Variants in DGKB observed in about 807,000 individuals in gnomAD.
DGKB encodes the protein diacylglycerol kinase beta, also known as 90 kDa diacylglycerol kinase.
DGKB carries 67 observed loss-of-function variants against 114.3 expected under a neutral mutation model. The ratio of observed to expected loss-of-function variants is 0.59; its 90% confidence interval spans 0.48 to 0.72. The LOEUF is 0.72. Ranked by LOEUF, DGKB falls within the 30% of genes least tolerant of loss-of-function variation. DGKB has a pLI of 0.00. For missense variants in DGKB, 907 were observed against 975.2 expected (o/e 0.93, Z 0.93); for synonymous variants, 398 against 323.1 (o/e 1.23, Z -2.49).
At chr7:14,946,944 T>C (rs1785915066) in intron 1 of DGKB, among the ~76,000 whole-genome samples, 1 of 151,698 alleles carries the variant, frequency 6.6e-6, no homozygotes, top group Non-Finnish European at 1.5e-5. Context: ...CAAAATGAAA[T>C]AGTTTATTTA....
chr7:14,300,129 G>C (rs1295835841), intron 23 of DGKB, among the ~76,000 whole-genome samples: 1 of 152,056 alleles, frequency 6.6e-6, no homozygotes, highest in Non-Finnish European at 1.5e-5. Context: ...CTCCCGTGTA[G>C]TTTCCAAAGT....
At chr7:14,781,290 A>C (rs776689098) in intron 2 of DGKB, among the ~76,000 whole-genome samples, 3 of 152,218 alleles carry the variant, frequency 2.0e-5, no homozygotes, top group Non-Finnish European at 4.4e-5. Context: ...TATTCTGCTT[A>C]TCTTTCAATT....
At chr7:14,637,384 A>G (rs750558773) in intron 13 of DGKB, among the ~76,000 whole-genome samples, 9 of 151,910 alleles carry the variant, frequency 5.9e-5, no homozygotes, top group Admixed American at 3.3e-4. Flanking sequence ...CCACTTTGTA[A>G]TGGAAATTCT....
chr7:14,946,020 CA>C (rs1441047063), intron 1 of DGKB, among the ~76,000 whole-genome samples: 1 of 151,416 alleles, frequency 6.6e-6, no homozygotes, highest in South Asian at 2.1e-4. Context: ...TCAGATGTCT[CA>C]AAATGAATAT....
chr7:14,804,386 T>G (rs57037859), intron 2 of DGKB, among the ~76,000 whole-genome samples: 1 of 151,752 alleles, frequency 6.6e-6, no homozygotes, highest in Admixed American at 6.6e-5. Context: ...GTCTAAGTAT[T>G]TATTTTCTAT....
At chr7:14,415,182 G>A (rs931132496) in intron 21 of DGKB, among the ~76,000 whole-genome samples, 2 of 151,606 alleles carry the variant, frequency 1.3e-5, no homozygotes, top group East Asian at 1.9e-4. Context: ...ACTATTTTCT[G>A]GTGAATATTA....
intron 23 of DGKB, among the ~76,000 whole-genome samples, chr7:14,281,346 C>G (rs1166713401): frequency 7.2e-6 from 1 of 138,272 alleles, no homozygotes; most frequent in Admixed American, 7.6e-5. Context: ...TACAGGAGCA[C>G]CCAGATTCAT....
At chr7:14,724,601 G>T (rs962015036) in intron 5 of DGKB, among the ~76,000 whole-genome samples, 1 of 152,180 alleles carries the variant, frequency 6.6e-6, no homozygotes, top group African/African-American at 2.4e-5. Context: ...GGTCTTTGGG[G>T]ATAACGTTTT....
At chr7:14,744,249 A>G (rs999371449) in intron 4 of DGKB, among the ~76,000 whole-genome samples, 3 of 152,216 alleles carry the variant, frequency 2.0e-5, no homozygotes, top group Admixed American at 6.5e-5. Context: ...TTATGGCAAT[A>G]TGGTTATTTG....
chr7:14,381,362 T>G (rs2128681793), intron 21 of DGKB, among the ~76,000 whole-genome samples: 1 of 152,324 alleles, frequency 6.6e-6, no homozygotes, highest in African/African-American at 2.4e-5. Flanking sequence ...AATAACGGAC[T>G]TATTGAAGGC....
At chr7:14,531,740 G>A (rs1352935867) in intron 20 of DGKB, among the ~76,000 whole-genome samples, 3 of 151,096 alleles carry the variant, frequency 2.0e-5, no homozygotes, top group African/African-American at 7.3e-5. Flanking sequence ...TTTTGAAAAG[G>A]AAGAAGAAAA....
intron 23 of DGKB, among the ~76,000 whole-genome samples, chr7:14,227,634 A>G (rs536852961): frequency 6.6e-6 from 1 of 152,156 alleles, no homozygotes; most frequent in African/African-American, 2.4e-5. Flanking sequence ...GGAGGCAGCA[A>G]TCTTGTTTAT....
At chr7:14,334,542 T>C (rs181938480) in intron 23 of DGKB, among the ~76,000 whole-genome samples, 1 of 152,050 alleles carries the variant, frequency 6.6e-6, no homozygotes. Context: ...ATGACAAATA[T>C]ATTTTTATTA....
chr7:14,608,669 A>T (rs1279095183), intron 16 of DGKB, among the ~76,000 whole-genome samples: 1 of 152,026 alleles, frequency 6.6e-6, no homozygotes, highest in Non-Finnish European at 1.5e-5. Context: ...ATGATTCTAT[A>T]CTCAGAAAAC....
chr7:14,448,542 T>C (rs144187526), intron 21 of DGKB, among the ~76,000 whole-genome samples: 28 of 152,230 alleles, frequency 1.8e-4, no homozygotes, highest in African/African-American at 6.5e-4. Flanking sequence ...TGCTGTGTTA[T>C]GCAACAGGGA....
At chr7:14,817,743 T>C (rs545176491) in intron 2 of DGKB, among the ~76,000 whole-genome samples, 2 of 152,292 alleles carry the variant, frequency 1.3e-5, no homozygotes, top group East Asian at 3.9e-4. Flanking sequence ...TTAGATTATA[T>C]TGTCAAAACC....
intron 17 of DGKB, among the ~76,000 whole-genome samples, chr7:14,604,266 CAATT>C (rs1428647851): frequency 4.6e-5 from 7 of 151,698 alleles, no homozygotes; most frequent in Non-Finnish European, 8.8e-5. Context: ...GTTTTAAAAA[CAATT>C]AAAGATAAAA....
intron 23 of DGKB, among the ~76,000 whole-genome samples, chr7:14,267,498 A>AT (rs1468771404): frequency 7.3e-5 from 10 of 136,498 alleles, no homozygotes; most frequent in Non-Finnish European, 1.6e-4. Context: ...TTTATTATTT[A>AT]TTTTTTTTGA....
intron 21 of DGKB, among the ~76,000 whole-genome samples, chr7:14,460,979 A>G (rs1408543187): frequency 2.7e-5 from 4 of 150,682 alleles, no homozygotes; most frequent in Non-Finnish European, 4.4e-5. Flanking sequence ...GGGAAATTGA[A>G]CAACCAGATC....
Sources: allele counts gnomAD v4.1 joint callset (sites outside exome capture counted in the v4.1 genomes callset), GRCh38; gene constraint gnomAD v4.1.1; transcripts MANE v1.5; gene names NCBI Gene and HGNC (gene_info 2026-07-23, HGNC 2026-07-21).